The following LRFN2 variants were observed in gnomAD, a reference collection of about 807,000 sequenced individuals.
LRFN2 encodes the protein leucine-rich repeat and fibronectin type-III domain-containing protein 2.
A neutral mutation model predicts 37.3 loss-of-function variants in LRFN2; 18 were observed. That is an observed-to-expected ratio of 0.48 (90% confidence interval 0.33 to 0.72). The LOEUF is 0.72. LRFN2 is among the 30% of genes least tolerant of loss of function. LRFN2 has a pLI of 0.02. For missense variants in LRFN2, 1,006 were observed against 1,060.7 expected, an observed-to-expected ratio of 0.95 and a Z score of 0.72; for synonymous variants, 556 against 466.6, an observed-to-expected ratio of 1.19 and a Z score of -2.47.
chr6:40,400,421 CTT>C (rs34460828), intron 2 of LRFN2, among the ~76,000 whole-genome samples: 5 of 128,650 alleles, frequency 3.9e-5, no homozygotes, highest in Non-Finnish European at 3.2e-5. Flanking sequence ...GGTACTTTTC[CTT>C]TTTTTTTTTT....
intron 1 of LRFN2, among the ~76,000 whole-genome samples, chr6:40,518,759 G>A (rs1307585954): frequency 6.6e-6 from 1 of 152,106 alleles, no homozygotes; most frequent in Admixed American, 6.5e-5. Flanking sequence ...AAGCACTAGG[G>A]GCATGAAAAT....
At chr6:40,518,372 A>G (rs547055851) in intron 1 of LRFN2, among the ~76,000 whole-genome samples, 3 of 152,290 alleles carry the variant, frequency 2.0e-5, no homozygotes, top group Admixed American at 2.0e-4. Context: ...CACTTTCCAG[A>G]GGGGAAAACT....
chr6:40,517,466 A>C (rs1412977605), intron 1 of LRFN2: 1 of 152,156 alleles, frequency 6.6e-6, no homozygotes, highest in African/African-American at 2.4e-5. Flanking sequence ...TGCTCCATTT[A>C]AGCTCGACTC....
intron 2 of LRFN2, among the ~76,000 whole-genome samples, chr6:40,400,989 C>T (rs1162339710): frequency 6.6e-6 from 1 of 150,940 alleles, no homozygotes; most frequent in Non-Finnish European, 1.5e-5. Flanking sequence ...TTCAACCAAC[C>T]CCCTAACCCC....
intron 1 of LRFN2, among the ~76,000 whole-genome samples, chr6:40,466,623 T>C (rs774551771): frequency 1.3e-5 from 2 of 152,096 alleles, no homozygotes; most frequent in Non-Finnish European, 2.9e-5. Flanking sequence ...GGACCTAGCA[T>C]GAGATTTAGA....
At chr6:40,585,850 C>A (rs948241036) in intron 1 of LRFN2, among the ~76,000 whole-genome samples, 1 of 145,910 alleles carries the variant, frequency 6.9e-6, no homozygotes, top group Non-Finnish European at 1.5e-5. Flanking sequence ...CACACACACG[C>A]GTACACACAC....
At chr6:40,471,197 G>A (rs984415555) in intron 1 of LRFN2, among the ~76,000 whole-genome samples, 9 of 152,144 alleles carry the variant, frequency 5.9e-5, no homozygotes, top group Admixed American at 3.3e-4. Flanking sequence ...AAGGGGATGG[G>A]GCTCTTCTTA....
chr6:40,551,653 C>T (rs1325870072), intron 1 of LRFN2, among the ~76,000 whole-genome samples: 1 of 152,166 alleles, frequency 6.6e-6, no homozygotes, highest in Non-Finnish European at 1.5e-5. Flanking sequence ...CAAAGGTGAA[C>T]ACCATCAAGC....
chr6:40,511,303 GC>G (rs1373541954), intron 1 of LRFN2, among the ~76,000 whole-genome samples: 2 of 152,200 alleles, frequency 1.3e-5, no homozygotes, highest in African/African-American at 4.8e-5. Flanking sequence ...AATCTCAGAT[GC>G]CTTTGATTAG....
chr6:40,427,072 T>G (rs1763370198), intron 2 of LRFN2, among the ~76,000 whole-genome samples: 1 of 152,210 alleles, frequency 6.6e-6, no homozygotes, highest in Non-Finnish European at 1.5e-5. Flanking sequence ...TACCTTGAAC[T>G]TGTGCAATTG....
intron 1 of LRFN2, among the ~76,000 whole-genome samples, chr6:40,456,019 G>A (rs970028826): frequency 6.6e-6 from 1 of 152,158 alleles, no homozygotes; most frequent in African/African-American, 2.4e-5. Flanking sequence ...ATGCAGCTGG[G>A]AGTGGTAGGC....
chr6:40,430,249 G>A (rs528935692), intron 2 of LRFN2, among the ~76,000 whole-genome samples: 3 of 152,244 alleles, frequency 2.0e-5, no homozygotes, highest in Admixed American at 6.5e-5. Flanking sequence ...GCTCTGCTAC[G>A]GTTTCCACAA....
intron 1 of LRFN2, among the ~76,000 whole-genome samples, chr6:40,481,518 C>T (rs1764832508): frequency 6.6e-6 from 1 of 151,396 alleles, no homozygotes; most frequent in Non-Finnish European, 1.5e-5. Flanking sequence ...TTCAGAATTT[C>T]ATCAATACAG....
chr6:40,580,504 G>C (rs1312541314), intron 1 of LRFN2, among the ~76,000 whole-genome samples: 1 of 152,210 alleles, frequency 6.6e-6, no homozygotes, highest in African/African-American at 2.4e-5. Flanking sequence ...CAGCTCCGAA[G>C]TGATAGGTGA....
At chr6:40,496,861 T>C (rs1180528229) in intron 1 of LRFN2, among the ~76,000 whole-genome samples, 1 of 152,150 alleles carries the variant, frequency 6.6e-6, no homozygotes, top group Non-Finnish European at 1.5e-5. Context: ...ACATAGTAGG[T>C]GCTTATTAAA....
At position 40,432,748 on chromosome 6, in the gene LRFN2, G is replaced by T; in HGVS notation, c.366C>A (p.Gly122=). Residue 122 remains glycine (G), a synonymous_variant, in exon 2 of 3, where the codon GGC becomes GGA. Transcript: ENST00000338305. The stretch of plus-strand genomic sequence containing the variant: ...CGATAAGGTGCTGCAGGTTGACCAG[G>T]CCCCGGAGGGTGTCCTCCCCAAGGC... The part of the protein sequence containing the change: ...LPSLGEDTLR[G]LVNLQHLIVN... The T allele has an allele frequency of 6.2e-7, 1 of 1,614,186 alleles. No individual in the cohort carries two copies. Among genetic ancestry groups the T allele is most frequent in the Non-Finnish European group, 8.5e-7 (1 of 1,180,038 alleles).
chr6:40,525,634 A>T (rs1766230512), intron 1 of LRFN2, among the ~76,000 whole-genome samples: 1 of 152,166 alleles, frequency 6.6e-6, no homozygotes, highest in South Asian at 2.1e-4. Context: ...AGATTTACAC[A>T]TGCTCCGAGC....
At chr6:40,574,166 A>G (rs1274438252) in intron 1 of LRFN2, among the ~76,000 whole-genome samples, 1 of 152,206 alleles carries the variant, frequency 6.6e-6, no homozygotes, top group African/African-American at 2.4e-5. Flanking sequence ...AATGCATATA[A>G]ATATGGTATA....
chr6:40,502,733 G>C (rs1364940299), intron 1 of LRFN2, among the ~76,000 whole-genome samples: 2 of 152,230 alleles, frequency 1.3e-5, no homozygotes, highest in African/African-American at 4.8e-5. Context: ...GTGGGTGATT[G>C]ACTACCTGCA....
Sources: gnomAD v4.1 joint callset for allele counts (sites outside exome capture counted in the v4.1 genomes callset) on GRCh38, gnomAD v4.1.1 for gene constraint, MANE v1.5 for transcripts, NCBI Gene and HGNC (gene_info 2026-07-23, HGNC 2026-07-21) for gene names.